INPP5A: variants seen among roughly 807,000 people sequenced by gnomAD.
INPP5A encodes the protein inositol polyphosphate-5-phosphatase A.
Under a neutral mutation model 65.2 loss-of-function variants are expected in INPP5A, and 14 were observed. That is an observed-to-expected ratio of 0.21 (90% CI 0.14 to 0.34). The LOEUF (loss-of-function observed/expected upper bound fraction) is 0.34. Ranked by LOEUF, INPP5A falls within the 10% of genes least tolerant of loss-of-function variation. The pLI is 1.00. For synonymous variants in INPP5A, 207 were observed against 208.3 expected, an observed-to-expected ratio of 0.99 and a Z score of 0.05; for missense variants, 431 against 545.6, an observed-to-expected ratio of 0.79 and a Z score of 2.09.
intron 4 of INPP5A, among the ~76,000 whole-genome samples, chr10:132,666,054 C>CAAAA (rs5789135): frequency 3.5e-4 from 47 of 136,174 alleles, no homozygotes; most frequent in South Asian, 1.2e-3. Context: ...GATCCTGTCT[C>CAAAA]AAAAAAAAAA....
Position 132,637,715 on chromosome 10 carries a change from C to T in INPP5A, c.118-8153C>T, listed in dbSNP as rs965009704. On this transcript the variant is annotated intron_variant, in intron 2 of 15. Coordinates refer to ENST00000368594, the MANE Select transcript of INPP5A (RefSeq NM_005539.5). This position sits in a 1 kb window ranked among gnomAD's most constrained non-coding sequence, Gnocchi z 4.1. ...GCCCCCGAGGTTGATGGGCGCTCTC[C>T]GTCTCTTTCTCCCAGTGGTCCATTC... Among the ~76,000 whole-genome samples, 2 of 152,138 alleles carry T rather than the reference C, an allele frequency of 1.3e-5. No individual in the cohort carries two copies. The highest frequency in any genetic ancestry group is 6.5e-5 in the Admixed American group (1 of 15,276).
intron 1 of INPP5A, among the ~76,000 whole-genome samples, chr10:132,599,958 G>A (rs1035710062): frequency 9.2e-5 from 14 of 152,220 alleles, no homozygotes. Context: ...ACATCATGGG[G>A]ACCCTGGGCC....
Position 132,698,138 on chromosome 10 carries a change from A to G in INPP5A, c.474+219A>G, listed in dbSNP as rs1358605562. 6.6e-6 allele frequency among the ~76,000 whole-genome samples: 1 copy of G among 152,246 alleles called. No homozygotes were observed. ...TCTAAGGCATTAGCACCAAGTAATC[A>G]GTAAGTTCCTGAATCCTCATATCCA... On this transcript the variant is annotated intron_variant, in intron 6 of 15. Transcript: ENST00000368594. This position sits in a 1 kb window ranked among gnomAD's most constrained non-coding sequence, Gnocchi z 5.5.
intron 1 of INPP5A, among the ~76,000 whole-genome samples, chr10:132,572,446 G>T (rs28436069): frequency 0.1 from 15,524 of 152,168 alleles, 841 homozygotes; most frequent in Middle Eastern, 0.11. Flanking sequence ...CTTTCGTAGG[G>T]CTGTGCTGGT....
chr10:132,752,589 G>C (rs1846511673), intron 11 of INPP5A, among the ~76,000 whole-genome samples: 1 of 137,272 alleles, frequency 7.3e-6, no homozygotes, highest in African/African-American at 2.7e-5. Flanking sequence ...AGGAGGTGTG[G>C]CATGGAGGGG....
At chr10:132,568,160 C>T (rs1001022909) in intron 1 of INPP5A, among the ~76,000 whole-genome samples, 6 of 140,954 alleles carry the variant, frequency 4.3e-5, no homozygotes, top group African/African-American at 1.6e-4. Context: ...CACTGCTCTC[C>T]AGCCTGGTGA....
At position 132,546,882 on chromosome 10, in the gene INPP5A, C is replaced by T. The variant is rs1298032810; in HGVS notation, c.75+8711C>T. Among the ~76,000 whole-genome samples, 1 of 152,174 alleles carries T rather than the reference C, an allele frequency of 6.6e-6. No individual in the cohort carries two copies. The highest frequency in any genetic ancestry group is 1.9e-4 in the East Asian group (1 of 5,194). The stretch of plus-strand genomic sequence containing the variant: ...TGGTCCTGTAGGCACCAGGACTGCA[C>T]TCTGGCAGGGGCAGACTCTGTTTCC... On this transcript the variant is annotated intron_variant, in intron 1 of 15. Transcript: ENST00000368594. The surrounding 1 kb of genome is among the most constrained non-coding windows in gnomAD (Gnocchi z 5.7).
At chr10:132,559,476 C>A (rs955790001) in intron 1 of INPP5A, among the ~76,000 whole-genome samples, 2 of 152,216 alleles carry the variant, frequency 1.3e-5, no homozygotes, top group African/African-American at 4.8e-5. Flanking sequence ...TGAAAGAAAC[C>A]CAGTACCCAT....
intron 4 of INPP5A, 36 bp from the exon 5 acceptor site, chr10:132,690,356 C>T: frequency 1.6e-6 from 2 of 1,281,786 alleles, no homozygotes; most frequent in Admixed American, 3.4e-5. Flanking sequence ...ATTCCCAGCA[C>T]CAGTCTCTCA....
At chr10:132,647,784 G>A (rs2072518562) in intron 3 of INPP5A, among the ~76,000 whole-genome samples, 1 of 152,174 alleles carries the variant, frequency 6.6e-6, no homozygotes, top group Non-Finnish European at 1.5e-5. Flanking sequence ...TCCCTGCTTT[G>A]TGTCATAAGC....
intron 9 of INPP5A, among the ~76,000 whole-genome samples, chr10:132,733,114 G>A (rs950479771): frequency 1.3e-5 from 2 of 152,156 alleles, no homozygotes; most frequent in Admixed American, 6.5e-5. Flanking sequence ...CATCACCTCC[G>A]TCTGCGCCTC....
chr10:132,599,073 C>G (rs1011683999), intron 1 of INPP5A, among the ~76,000 whole-genome samples: 6 of 152,200 alleles, frequency 3.9e-5, no homozygotes, highest in Admixed American at 6.5e-5. Context: ...CATTCCATCC[C>G]TGGCCCCTCC....
intron 1 of INPP5A, among the ~76,000 whole-genome samples, chr10:132,567,883 C>CA (rs1244148740): frequency 6.6e-6 from 1 of 151,858 alleles, no homozygotes; most frequent in Non-Finnish European, 1.5e-5. Flanking sequence ...CCACATCTGG[C>CA]AAAAAATTAA....
chr10:132,581,291 C>T (rs1234592349), intron 1 of INPP5A, among the ~76,000 whole-genome samples: 4 of 152,158 alleles, frequency 2.6e-5, no homozygotes, highest in African/African-American at 7.2e-5. Context: ...GTTTCCTGTC[C>T]GGCCTCAGGA....
In INPP5A at chr10:132,704,810, A is replaced by T. The variant is rs12416114; in HGVS notation, c.475-3503A>T. Among the ~76,000 whole-genome samples the T allele has an allele frequency of 6.6e-6, 1 of 150,782 alleles. No homozygotes were observed. Among genetic ancestry groups the T allele is most frequent in the Non-Finnish European group, 1.5e-5 (1 of 67,738 alleles). On this transcript the variant is annotated intron_variant, in intron 6 of 15. Transcript: ENST00000368594. The surrounding 1 kb of genome is among the most constrained non-coding windows in gnomAD (Gnocchi z 4.5). ...TGGAGGATGGAGGAAGGGCGTCTGG[A>T]CAGGCGGCAGGCAGCTCCTCTGGAG...
intron 1 of INPP5A, among the ~76,000 whole-genome samples, chr10:132,573,894 G>A (rs2071383497): frequency 8.4e-6 from 1 of 118,422 alleles, no homozygotes; most frequent in African/African-American, 3.5e-5. Flanking sequence ...GCCGTGTGAG[G>A]TTTTGTTGAT....
intron 4 of INPP5A, among the ~76,000 whole-genome samples, chr10:132,670,406 C>T (rs1253661629): frequency 9.5e-6 from 1 of 105,742 alleles, no homozygotes; most frequent in Non-Finnish European, 1.9e-5. Flanking sequence ...CCTCTGAGTG[C>T]GCACTCCCAG....
chr10:132,687,495 G>A (rs2134476035), intron 4 of INPP5A, among the ~76,000 whole-genome samples: 1 of 152,354 alleles, frequency 6.6e-6, no homozygotes, highest in South Asian at 2.1e-4. Flanking sequence ...CCACCTTCTG[G>A]CTTTCCCGTG....
intron 8 of INPP5A, among the ~76,000 whole-genome samples, chr10:132,717,664 C>T (rs1173998417): frequency 6.7e-6 from 1 of 149,458 alleles, no homozygotes; most frequent in East Asian, 2.0e-4. Flanking sequence ...TGCCTGGGTT[C>T]TGTCTGGGCG....
Sources: gnomAD v4.1 joint callset for allele counts (sites outside exome capture counted in the v4.1 genomes callset) on GRCh38, gnomAD v4.1.1 for gene constraint, Gnocchi (gnomAD v3.1) non-coding constraint, MANE v1.5 for transcripts, NCBI Gene and HGNC (gene_info 2026-07-23, HGNC 2026-07-21) for gene names.